The following MAPKAP1 variants were observed in gnomAD, a reference collection of about 807,000 sequenced individuals.
MAPKAP1 encodes the protein target of rapamycin complex 2 subunit MAPKAP1.
In MAPKAP1, 20 loss-of-function variants were observed where a neutral mutation model predicts 65.7. The ratio of observed to expected loss-of-function variants is 0.30; its 90% CI spans 0.21 to 0.44. The LOEUF (loss-of-function observed/expected upper bound fraction) is 0.44, where lower values mean the gene tolerates loss of function less well. MAPKAP1 is among the 20% of genes least tolerant of loss of function. MAPKAP1 has a pLI of 1.00. For synonymous variants in MAPKAP1, 222 were observed against 244.3 expected (o/e 0.91, Z 0.85); for missense variants, 423 against 648.0 (o/e 0.65, Z 3.77).
At chr9:125,651,375 C>T (rs951825346) in intron 4 of MAPKAP1, among the ~76,000 whole-genome samples, 7 of 152,036 alleles carry the variant, frequency 4.6e-5, no homozygotes, top group African/African-American at 1.7e-4. Flanking sequence ...GAGGCCGAGG[C>T]GGGCAGATCA....
rs560641034 is a variant in MAPKAP1 at position 125,644,200 on chromosome 9, C to T, written c.498+13451G>A. Among the ~76,000 whole-genome samples the T allele has an allele frequency of 1.6e-3, 247 of 152,296 alleles. 1 individual carries two copies. The highest frequency in any genetic ancestry group is 2.4e-3 in the Non-Finnish European group (161 of 68,032). ...AGACATTTTACTAATCACCTCATAA[C>T]CTCCTAAGGCAGGTGTCTAATGTAT... On this transcript the variant is annotated intron_variant, in intron 4 of 11. Coordinates refer to ENST00000265960, the MANE Select transcript of MAPKAP1 (RefSeq NM_001006617.3).
At position 125,448,757 on chromosome 9, in the gene MAPKAP1, C is replaced by T. The variant is rs558680541; in HGVS notation, c.1346-4159G>A. ...CAGTGGCTCAAGCCTGTAATCCCAG[C>T]ACTTTGGGAGGCCAAGGTGGATGGA... On this transcript the variant is annotated intron_variant, in intron 10 of 11. Coordinates refer to ENST00000265960, the MANE Select transcript of MAPKAP1 (RefSeq NM_001006617.3). 4.6e-5 allele frequency among the ~76,000 whole-genome samples: 7 copies of T among 152,298 alleles called. No homozygotes were observed. In the East Asian group the frequency reaches 1.3e-3, roughly 29 times the overall value.
chr9:125,472,713 C>T (rs1186143466), intron 9 of MAPKAP1, among the ~76,000 whole-genome samples: 2 of 152,084 alleles, frequency 1.3e-5, no homozygotes, highest in Non-Finnish European at 2.9e-5. Flanking sequence ...TGATGAAATA[C>T]AAGATAACCA....
chr9:125,613,111 A>G (rs1478362683), intron 4 of MAPKAP1, among the ~76,000 whole-genome samples: 6 of 152,136 alleles, frequency 3.9e-5, no homozygotes, highest in African/African-American at 1.2e-4. Flanking sequence ...GTTAGTCATG[A>G]CCTCAAGACC....
chr9:125,516,502 A>G (rs1251968997), intron 7 of MAPKAP1, among the ~76,000 whole-genome samples: 2 of 152,186 alleles, frequency 1.3e-5, no homozygotes, highest in Admixed American at 1.3e-4. Flanking sequence ...AGGGAAAGAA[A>G]ATGCTTTTTT....
chr9:125,470,772 C>G (rs1260064405), intron 9 of MAPKAP1, among the ~76,000 whole-genome samples: 1 of 152,144 alleles, frequency 6.6e-6, no homozygotes, highest in Non-Finnish European at 1.5e-5. Context: ...GATGGGCAGA[C>G]AGGTGGGATA....
intron 9 of MAPKAP1, among the ~76,000 whole-genome samples, chr9:125,484,008 C>A (rs1207280224): frequency 1.3e-5 from 2 of 152,078 alleles, no homozygotes; most frequent in Non-Finnish European, 2.9e-5. Context: ...TTGAAAGTTC[C>A]AAATTATATG....
intron 7 of MAPKAP1, among the ~76,000 whole-genome samples, chr9:125,531,271 A>G (rs773752356): frequency 3.5e-4 from 53 of 152,240 alleles, no homozygotes; most frequent in Non-Finnish European, 5.9e-4. Flanking sequence ...TTTGGCTTTG[A>G]GTCCTTACTC....
chr9:125,683,226 G>C (rs535563153), intron 1 of MAPKAP1, among the ~76,000 whole-genome samples: 1 of 152,234 alleles, frequency 6.6e-6, no homozygotes, highest in Non-Finnish European at 1.5e-5. Context: ...CCAAAGTGCT[G>C]GGGTTACAGG....
chr9:125,620,583 A>C (rs975730213), intron 4 of MAPKAP1, among the ~76,000 whole-genome samples: 2 of 152,244 alleles, frequency 1.3e-5, no homozygotes, highest in African/African-American at 4.8e-5. Flanking sequence ...TGTTTGTAAT[A>C]GTAAAAGATT....
chr9:125,437,975 A>G lies in MAPKAP1; in HGVS notation c.*912T>C, dbSNP rs984132169. 2 of 165,646 alleles carry G rather than the reference A, an allele frequency of 1.2e-5. No homozygotes were observed. The highest frequency in any genetic ancestry group is 4.8e-5 in the African/African-American group (2 of 42,096). 10.3% of individuals were successfully genotyped at this position (165,646 alleles called of 1,614,324 possible). A position where few individuals can be genotyped will look rare whatever the true frequency, so the allele number is the denominator to read the frequency against. ...AAACAGCAGCTTTCCGCCTGCTTGA[A>G]AAAGGAGGCAGGCGCTGTAAGGAGA... is the stretch of plus-strand genomic sequence containing the variant. On this transcript the variant is annotated 3_prime_UTR_variant, in exon 12 of 12. Coordinates refer to ENST00000265960, the MANE Select transcript of MAPKAP1 (RefSeq NM_001006617.3).
intron 1 of MAPKAP1, among the ~76,000 whole-genome samples, chr9:125,701,715 C>CT (rs1482862170): frequency 2.6e-5 from 4 of 152,132 alleles, no homozygotes; most frequent in Non-Finnish European, 5.9e-5. Context: ...ACAAATTTAC[C>CT]ATACCACTTC....
intron 4 of MAPKAP1, among the ~76,000 whole-genome samples, chr9:125,590,850 T>A (rs1415365388): frequency 6.6e-6 from 1 of 152,010 alleles, no homozygotes; most frequent in African/African-American, 2.4e-5. Context: ...CTCAGCTCAA[T>A]GCAACCTCCA....
intron 8 of MAPKAP1, among the ~76,000 whole-genome samples, 159 bp from the exon 9 acceptor site, chr9:125,484,742 G>A (rs1369436402): frequency 6.6e-6 from 1 of 152,206 alleles, no homozygotes; most frequent in East Asian, 1.9e-4. Context: ...AGTAAACAGA[G>A]AATGGTAACA....
intron 8 of MAPKAP1, among the ~76,000 whole-genome samples, chr9:125,485,895 A>G (rs1300266818): frequency 6.6e-6 from 1 of 152,210 alleles, no homozygotes; most frequent in East Asian, 1.9e-4. Context: ...AAATTTAGGT[A>G]AAGAATATGT....
At chr9:125,445,453 G>A (rs971463084) in intron 10 of MAPKAP1, among the ~76,000 whole-genome samples, 6 of 152,244 alleles carry the variant, frequency 3.9e-5, no homozygotes, top group African/African-American at 1.4e-4. Context: ...GATCCTGGGT[G>A]GCTCAGCTCA....
intron 7 of MAPKAP1, among the ~76,000 whole-genome samples, chr9:125,542,065 T>C (rs1050555305): frequency 1.3e-5 from 2 of 152,230 alleles, no homozygotes; most frequent in Admixed American, 6.5e-5. Flanking sequence ...TCTCTCTCTC[T>C]CTCTCTTTTT....
chr9:125,625,276 A>AC (rs1564589758), intron 4 of MAPKAP1, among the ~76,000 whole-genome samples: 3 of 148,946 alleles, frequency 2.0e-5, no homozygotes, highest in Non-Finnish European at 4.5e-5. Context: ...AAAAAAAAAA[A>AC]AAAACAAGGG....
At chr9:125,697,372 T>C (rs1588087013) in intron 1 of MAPKAP1, among the ~76,000 whole-genome samples, 1 of 152,244 alleles carries the variant, frequency 6.6e-6, no homozygotes, top group East Asian at 1.9e-4. Context: ...TCAAAGAACA[T>C]TTCTAAAACT....
Sources: allele counts gnomAD v4.1 joint callset (sites outside exome capture counted in the v4.1 genomes callset), GRCh38; gene constraint gnomAD v4.1.1; transcripts MANE v1.5; gene names NCBI Gene and HGNC (gene_info 2026-07-23, HGNC 2026-07-21).